EYS: variants seen among roughly 807,000 people sequenced by gnomAD.
The protein encoded by EYS is protein eyes shut homolog.
Under a neutral mutation model 282.1 loss-of-function variants are expected in EYS, and 250 were observed. That is an observed-to-expected ratio of 0.89 (90% CI 0.80 to 0.98). The LOEUF (loss-of-function observed/expected upper bound fraction) is 0.98. Among genes scored for constraint, EYS ranks in the 50% least tolerant of loss-of-function variants. The pLI, the probability that EYS is intolerant of heterozygous loss-of-function variation, is 0.00. For synonymous variants in EYS, 1,355 were observed against 1,282.9 expected (o/e 1.06, Z -1.20); for missense variants, 4,016 against 3,709.0 (o/e 1.08, Z -2.15).
intron 12 of EYS, among the ~76,000 whole-genome samples, chr6:65,131,286 T>A (rs1775868019): frequency 6.6e-6 from 1 of 151,840 alleles, no homozygotes; most frequent in South Asian, 2.1e-4. Flanking sequence ...TTCTTCTTAT[T>A]GCCACATGGC....
intron 12 of EYS, among the ~76,000 whole-genome samples, chr6:65,139,667 T>C (rs1405982164): frequency 6.6e-6 from 1 of 152,054 alleles, no homozygotes; most frequent in African/African-American, 2.4e-5. Context: ...CCCATGCCCA[T>C]TGGAAATGAT....
chr6:65,172,993 A>C (rs1009405925), intron 12 of EYS, among the ~76,000 whole-genome samples: 6 of 150,964 alleles, frequency 4.0e-5, no homozygotes, highest in Non-Finnish European at 7.4e-5. Flanking sequence ...AAAAAAAAAA[A>C]AACTTAGAGC....
chr6:64,847,840 C>T (rs1765762060), intron 19 of EYS, among the ~76,000 whole-genome samples: 1 of 152,054 alleles, frequency 6.6e-6, no homozygotes, highest in Non-Finnish European at 1.5e-5. Context: ...CTTACCCTCA[C>T]TGTGAACAAT....
chr6:65,183,766 G>GA (rs942691427), intron 12 of EYS, among the ~76,000 whole-genome samples: 1 of 151,468 alleles, frequency 6.6e-6, no homozygotes, highest in African/African-American at 2.4e-5. Flanking sequence ...AGACACTGAA[G>GA]AAAAAAATAG....
chr6:65,037,296 G>C (rs1449446517), intron 13 of EYS, among the ~76,000 whole-genome samples: 1 of 151,690 alleles, frequency 6.6e-6, no homozygotes, highest in Non-Finnish European at 1.5e-5. Context: ...ACATTGATAA[G>C]AGGACCTACT....
intron 35 of EYS, among the ~76,000 whole-genome samples, chr6:63,962,091 C>G (rs1404961683): frequency 7.2e-5 from 11 of 152,092 alleles, no homozygotes; most frequent in African/African-American, 2.7e-4. Flanking sequence ...TTCCTTACAC[C>G]TTATACAAAA....
intron 22 of EYS, among the ~76,000 whole-genome samples, chr6:64,641,204 G>A (rs1768138900): frequency 6.6e-6 from 1 of 152,152 alleles, no homozygotes; most frequent in Admixed American, 6.5e-5. Context: ...AAGGCAAGGA[G>A]GAGCAAGTCC....
At chr6:64,955,686 G>C (rs1227169926) in intron 14 of EYS, among the ~76,000 whole-genome samples, 1 of 152,116 alleles carries the variant, frequency 6.6e-6, no homozygotes, top group African/African-American at 2.4e-5. Context: ...GGCATTCTTG[G>C]GTAATAACTA....
intron 35 of EYS, among the ~76,000 whole-genome samples, chr6:63,976,314 A>C (rs569498218): frequency 6.6e-6 from 1 of 152,074 alleles, no homozygotes; most frequent in Non-Finnish European, 1.5e-5. Flanking sequence ...CAATAGCCAC[A>C]ACATCACCAG....
intron 15 of EYS, among the ~76,000 whole-genome samples, chr6:64,944,948 A>C (rs1414337147): frequency 6.6e-6 from 1 of 150,502 alleles, no homozygotes. Flanking sequence ...CATAGATTCT[A>C]TTGTTCACAT....
At chr6:65,018,332 C>T (rs536652960) in intron 13 of EYS, among the ~76,000 whole-genome samples, 1 of 152,230 alleles carries the variant, frequency 6.6e-6, no homozygotes, top group Admixed American at 6.5e-5. Context: ...CCTCTAGCTT[C>T]CTGTGTTTTT....
intron 24 of EYS, among the ~76,000 whole-genome samples, chr6:64,613,020 T>G (rs1285729205): frequency 6.6e-6 from 1 of 152,164 alleles, no homozygotes; most frequent in Admixed American, 6.6e-5. Flanking sequence ...TGTGCTTTGT[T>G]GTTTCATGTT....
In EYS at chr6:64,392,168, T is replaced by A. The variant is rs1268635588; in HGVS notation, c.5928-3328A>T. ...ACAAAGAGACTTAGACTCCCACACA[T>A]TAATAATGGGAGACTTTAACACCCC... On this transcript the variant is annotated intron_variant, in intron 28 of 42. Coordinates refer to ENST00000503581, the MANE Select transcript of EYS (RefSeq NM_001142800.2). 2.0e-3 allele frequency among the ~76,000 whole-genome samples: 307 copies of A among 150,898 alleles called. 1 individual carries two copies. The highest frequency in any genetic ancestry group is 6.9e-3 in the African/African-American group (283 of 40,792).
At chr6:64,311,826 C>T (rs563317870) in intron 29 of EYS, among the ~76,000 whole-genome samples, 6 of 152,174 alleles carry the variant, frequency 3.9e-5, no homozygotes, top group South Asian at 4.1e-4. Flanking sequence ...TCGGGAGGAA[C>T]GGTGCACTCT....
At chr6:64,148,663 C>T (rs1474947705) in intron 31 of EYS, among the ~76,000 whole-genome samples, 1 of 152,068 alleles carries the variant, frequency 6.6e-6, no homozygotes, top group African/African-American at 2.4e-5. Context: ...TAAAATTGAT[C>T]TTACATCTTA....
rs374200609 is a variant in EYS, at chr6:63,726,545, G to A, written c.8207C>T (p.Ala2736Val). The change falls in exon 42 of 43, where the codon GCT (alanine) becomes GTT (valine). Residue 2736 changes from alanine to valine, a missense_variant. Coordinates refer to ENST00000503581, the MANE Select transcript of EYS (RefSeq NM_001142800.2). Reference protein sequence around the residue: ...PLAADGILFYAAQHLKAQSGD... With the variant: ...PLAADGILFYVAQHLKAQSGD... ...TGATTGGGCTTTTAAGTGTTGTGCA[G>A]CATAAAATAGGATACCATCTGCAGC... 115 of 1,550,970 alleles carry A rather than the reference G, an allele frequency of 7.4e-5. No individual in the cohort carries two copies. The highest frequency in any genetic ancestry group is 8.9e-5 in the Non-Finnish European group (102 of 1,146,712).
At chr6:63,895,905 G>GT (rs10705427) in intron 35 of EYS, among the ~76,000 whole-genome samples, 1,399 of 123,930 alleles carry the variant, frequency 0.011, 70 homozygotes, top group African/African-American at 0.016. Flanking sequence ...ATCATGATTT[G>GT]TTTTTTTTTT....
At chr6:65,450,556 C>T (rs1429068493) in intron 5 of EYS, among the ~76,000 whole-genome samples, 2 of 152,090 alleles carry the variant, frequency 1.3e-5, no homozygotes, top group Non-Finnish European at 2.9e-5. Context: ...CTAAAAATGA[C>T]CAATCAGAGT....
intron 13 of EYS, among the ~76,000 whole-genome samples, chr6:65,037,582 C>T (rs951400737): frequency 6.6e-6 from 1 of 151,666 alleles, no homozygotes; most frequent in African/African-American, 2.4e-5. Flanking sequence ...TTACTTTATT[C>T]ATTGTAACAA....
Sources: allele counts gnomAD v4.1 joint callset (sites outside exome capture counted in the v4.1 genomes callset), GRCh38; gene constraint gnomAD v4.1.1; transcripts MANE v1.5; gene names NCBI Gene and HGNC (gene_info 2026-07-23, HGNC 2026-07-21).